The following ANO3 variants were observed in gnomAD, a reference collection of about 807,000 sequenced individuals.
The protein encoded by ANO3 is anoctamin-3.
A neutral mutation model predicts 144.8 loss-of-function variants in ANO3; 99 were observed. That is an observed-to-expected ratio of 0.68 (90% CI 0.58 to 0.81). The LOEUF is 0.81. ANO3 is among the 30% of genes least tolerant of loss of function. The pLI is 0.00. For missense variants in ANO3, 905 were observed against 1,202.2 expected, an observed-to-expected ratio of 0.75 and a Z score of 3.66; for synonymous variants, 414 against 392.6, an observed-to-expected ratio of 1.05 and a Z score of -0.64.
chr11:26,459,616 A>G (rs565716374), intron 3 of ANO3, among the ~76,000 whole-genome samples: 8 of 152,122 alleles, frequency 5.3e-5, no homozygotes, highest in Non-Finnish European at 1.0e-4. Flanking sequence ...ATACATATAT[A>G]TATATATAGG....
intron 10 of ANO3, among the ~76,000 whole-genome samples, chr11:26,538,476 T>C (rs1590485924): frequency 6.6e-6 from 1 of 152,192 alleles, no homozygotes; most frequent in East Asian, 1.9e-4. Context: ...CTTATTATTC[T>C]TATTTTACAG....
At chr11:26,479,797 G>A (rs1008505562) in intron 4 of ANO3, among the ~76,000 whole-genome samples, 4 of 152,142 alleles carry the variant, frequency 2.6e-5, no homozygotes, top group African/African-American at 7.2e-5. Context: ...GAAAGGGAGG[G>A]TATAAGAGAA....
At chr11:26,423,911 A>C (rs1381676439) in intron 1 of ANO3, among the ~76,000 whole-genome samples, 1 of 152,028 alleles carries the variant, frequency 6.6e-6, no homozygotes, top group Non-Finnish European at 1.5e-5. Flanking sequence ...TTGTGACTGT[A>C]AGTAAGTAAA....
At chr11:26,555,253 G>A (rs1188050357) in intron 13 of ANO3, among the ~76,000 whole-genome samples, 2 of 152,168 alleles carry the variant, frequency 1.3e-5, no homozygotes, top group African/African-American at 2.4e-5. Flanking sequence ...AACCAAGTGT[G>A]TTAAGAGTTA....
intron 1 of ANO3, among the ~76,000 whole-genome samples, chr11:26,243,369 T>C (rs1428598142): frequency 6.6e-6 from 1 of 152,034 alleles, no homozygotes; most frequent in African/African-American, 2.4e-5. Context: ...TCCCAGATTA[T>C]ATGTTCTTTG....
intron 1 of ANO3, among the ~76,000 whole-genome samples, chr11:26,318,646 G>C (rs2133877010): frequency 6.6e-6 from 1 of 152,284 alleles, no homozygotes; most frequent in East Asian, 1.9e-4. Context: ...TGTGTGGGCT[G>C]GTGTATTCAG....
At chr11:26,500,492 A>G (rs954440730) in intron 4 of ANO3, among the ~76,000 whole-genome samples, 37 of 152,112 alleles carry the variant, frequency 2.4e-4, no homozygotes, top group Admixed American at 1.0e-3. Context: ...TAGCCTTCAT[A>G]GATGGTGAAA....
At chr11:26,305,335 C>G (rs1302019247), upstream of ANO3, among the ~76,000 whole-genome samples, 2 of 152,000 alleles carry the variant, frequency 1.3e-5, no homozygotes, top group African/African-American at 2.4e-5. Flanking sequence ...TTCATTCAAA[C>G]AACTTCTGAC....
rs1853626860 is a variant in ANO3, at chr11:26,654,582, G to C, written c.2577-1543G>C. Among the ~76,000 whole-genome samples the C allele has an allele frequency of 7.2e-5, 11 of 151,968 alleles. No homozygotes were observed. In the South Asian group the frequency reaches 2.3e-3, roughly 32 times the overall value. ...TCATATTTATATATTGTTTCTTTATGTTAATTCCAGTTATGTCTTTTTCTT... is the reference window on the plus strand; with the variant it reads ...TCATATTTATATATTGTTTCTTTATCTTAATTCCAGTTATGTCTTTTTCTT... On this transcript the variant is annotated intron_variant, in intron 24 of 26. Transcript: ENST00000256737.
chr11:26,572,767 A>C (rs1405623671), intron 14 of ANO3, among the ~76,000 whole-genome samples: 5 of 152,160 alleles, frequency 3.3e-5, no homozygotes, highest in Non-Finnish European at 7.3e-5. Flanking sequence ...CATGAAAAAT[A>C]ATCATCATGA....
intron 1 of ANO3, among the ~76,000 whole-genome samples, chr11:26,297,245 CT>C (rs143854075): frequency 0.019 from 2,905 of 150,336 alleles, 59 homozygotes; most frequent in East Asian, 0.12. Context: ...ATCTGTGTTT[CT>C]TTTTTTTATC....
chr11:26,556,736 C>A (rs781058599), intron 13 of ANO3, among the ~76,000 whole-genome samples: 67 of 151,262 alleles, frequency 4.4e-4, no homozygotes, highest in Admixed American at 1.5e-3. Flanking sequence ...AGGTTTTACC[C>A]TGCCCAAGAG....
At chr11:26,302,263 G>A (rs6484202) in intron 1 of ANO3, among the ~76,000 whole-genome samples, 3,058 of 152,286 alleles carry the variant, frequency 0.02, 92 homozygotes, top group African/African-American at 0.066. Context: ...TTGGGAGGCC[G>A]AGGCAGGTGG....
At chr11:26,416,285 G>C (rs534191659) in intron 1 of ANO3, among the ~76,000 whole-genome samples, 2 of 151,954 alleles carry the variant, frequency 1.3e-5, no homozygotes, top group South Asian at 4.2e-4. Context: ...TGTATTTGTT[G>C]TGTTAAGAAA....
At chr11:26,366,013 A>T (rs1157037951) in intron 1 of ANO3, among the ~76,000 whole-genome samples, 2 of 132,538 alleles carry the variant, frequency 1.5e-5, no homozygotes, top group African/African-American at 3.1e-5. Context: ...TTTTAATTAT[A>T]CTTTAAGTTC....
chr11:26,468,700 A>G (rs1859682243), intron 4 of ANO3, among the ~76,000 whole-genome samples: 1 of 151,946 alleles, frequency 6.6e-6, no homozygotes, highest in Non-Finnish European at 1.5e-5. Flanking sequence ...AGTATTCTGA[A>G]TGTGCTACTT....
intron 4 of ANO3, among the ~76,000 whole-genome samples, chr11:26,507,298 T>G (rs1051436971): frequency 6.6e-6 from 1 of 152,204 alleles, no homozygotes; most frequent in Non-Finnish European, 1.5e-5. Context: ...TTTCAAAGGA[T>G]TCCCATGGCC....
intron 3 of ANO3, among the ~76,000 whole-genome samples, chr11:26,458,406 AT>A (rs1377675675): frequency 6.6e-6 from 1 of 152,156 alleles, no homozygotes; most frequent in Non-Finnish European, 1.5e-5. Context: ...AAGAAAAAAA[AT>A]ATCTGTGAGG....
intron 1 of ANO3, among the ~76,000 whole-genome samples, chr11:26,243,822 T>C (rs1348547278): frequency 6.6e-6 from 1 of 152,078 alleles, no homozygotes; most frequent in Non-Finnish European, 1.5e-5. Flanking sequence ...ATGGTATGTG[T>C]TGTTTTTGAA....
Sources: allele counts gnomAD v4.1 joint callset (sites outside exome capture counted in the v4.1 genomes callset), GRCh38; gene constraint gnomAD v4.1.1; transcripts MANE v1.5; gene names NCBI Gene and HGNC (gene_info 2026-07-23, HGNC 2026-07-21).